The following PLCXD2 variants were observed in gnomAD, a reference collection of about 807,000 sequenced individuals.
The protein encoded by PLCXD2 is PI-PLC X domain-containing protein 2.
PLCXD2 carries 21 observed loss-of-function variants against 28.6 expected under a neutral mutation model. The observed-to-expected ratio is 0.73, with a 90% CI of 0.52 to 1.06. The LOEUF is 1.06. Ranked by LOEUF, PLCXD2 falls within the 50% of genes least tolerant of loss-of-function variation. The probability of loss-of-function intolerance (pLI) is 0.00; values close to 1 mark genes in which losing one functional copy is unlikely to be tolerated. For missense variants in PLCXD2, 369 were observed against 376.7 expected, an observed-to-expected ratio of 0.98 and a Z score of 0.17; for synonymous variants, 140 against 150.1, an observed-to-expected ratio of 0.93 and a Z score of 0.49.
At chr3:111,719,126 TA>T (rs1941312733) in intron 3 of PLCXD2, among the ~76,000 whole-genome samples, 1 of 152,138 alleles carries the variant, frequency 6.6e-6, no homozygotes, top group Admixed American at 6.5e-5. Context: ...GAGCTAAACC[TA>T]AAAGCTAAAA....
chr3:111,707,402 T>C (rs976144889), intron 1 of PLCXD2, among the ~76,000 whole-genome samples: 4 of 152,216 alleles, frequency 2.6e-5, no homozygotes, highest in African/African-American at 7.2e-5. Flanking sequence ...ATTGTTGAGA[T>C]AGACACAGTG....
chr3:111,712,236 A>C (rs956011917), intron 2 of PLCXD2, among the ~76,000 whole-genome samples: 1 of 152,192 alleles, frequency 6.6e-6, no homozygotes, highest in African/African-American at 2.4e-5. Flanking sequence ...GATAATTTGT[A>C]CTTAATGCAC....
intron 1 of PLCXD2, among the ~76,000 whole-genome samples, chr3:111,701,196 AAGTGTC>A (rs1218734715): frequency 6.6e-6 from 1 of 152,042 alleles, no homozygotes; most frequent in East Asian, 1.9e-4. Context: ...AGCACTTACT[AAGTGTC>A]AGTATTGTTC....
At chr3:111,677,784 G>A (rs1412996292) in intron 1 of PLCXD2, among the ~76,000 whole-genome samples, 1 of 152,146 alleles carries the variant, frequency 6.6e-6, no homozygotes, top group Non-Finnish European at 1.5e-5. Flanking sequence ...ACCATCCTCT[G>A]CAGTGAATGA....
intron 1 of PLCXD2, among the ~76,000 whole-genome samples, chr3:111,703,304 T>C (rs1023987630): frequency 6.6e-6 from 1 of 152,186 alleles, no homozygotes; most frequent in Non-Finnish European, 1.5e-5. Context: ...AAAAAGAGAC[T>C]CTGTTCCTAG....
In PLCXD2 at chr3:111,720,478, A is replaced by G. The variant is rs1171559866; in HGVS notation, c.866+6350A>G. ...TTCCTGTTGACATGGTATCTCTTTG[A>G]TGCTGGAAGCAAATAATCTCCTCTT... is the stretch of plus-strand genomic sequence containing the variant. On this transcript the variant is annotated intron_variant, in intron 3 of 4. Transcript: ENST00000477665. 3.3e-5 allele frequency among the ~76,000 whole-genome samples: 5 copies of G among 152,280 alleles called. 1 individual carries two copies. Among genetic ancestry groups the G allele is most frequent in the Middle Eastern group, 6.8e-3 (2 of 294 alleles).
In PLCXD2 at chr3:111,675,361, T is replaced by TC. The variant is rs1290783500; in HGVS notation, c.122dup (p.His42SerfsTer17). The TC allele has an allele frequency of 1.2e-6, 2 of 1,613,870 alleles. No homozygotes were observed. The highest frequency in any genetic ancestry group is 1.7e-6 in the Non-Finnish European group (2 of 1,179,956). On this transcript the variant is annotated frameshift_variant, in exon 1 of 5. Transcript: ENST00000477665. LOFTEE classifies it high-confidence loss of function. ...TGCAATGCCGACTGGATGGCCTCGCTCCCCCCTCACCTCCACAACCTCCCC... is the reference window on the plus strand; with the variant it reads ...TGCAATGCCGACTGGATGGCCTCGCTCCCCCCCTCACCTCCACAACCTCCCC...
chr3:111,721,663 G>A (rs1368631419), intron 3 of PLCXD2: 4 of 152,216 alleles, frequency 2.6e-5, no homozygotes, highest in African/African-American at 9.6e-5. Context: ...AGATATGCAT[G>A]TTTGCTGCAT....
At chr3:111,704,165 TAGTATG>T (rs1294721656) in intron 1 of PLCXD2, among the ~76,000 whole-genome samples, 4 of 152,170 alleles carry the variant, frequency 2.6e-5, no homozygotes, top group African/African-American at 9.7e-5. Context: ...GACAGTGAAC[TAGTATG>T]AATACAGGAA....
At chr3:111,724,821 C>G (rs1285555087) in intron 3 of PLCXD2, 15 of 152,208 alleles carry the variant, frequency 9.9e-5, no homozygotes, top group Admixed American at 9.8e-4. Flanking sequence ...CCATGAGACT[C>G]CGCTCCGTTA....
chr3:111,696,261 G>C (rs949509865), intron 1 of PLCXD2, among the ~76,000 whole-genome samples: 2 of 152,170 alleles, frequency 1.3e-5, no homozygotes, highest in Non-Finnish European at 1.5e-5. Context: ...AGCCTTTACT[G>C]CTGCCCAGAC....
chr3:111,703,139 T>C (rs932667899), intron 1 of PLCXD2, among the ~76,000 whole-genome samples: 10 of 152,194 alleles, frequency 6.6e-5, no homozygotes, highest in African/African-American at 2.4e-4. Flanking sequence ...TAGGCCTATA[T>C]AGGGCAAGTG....
chr3:111,713,042 G>T lies in PLCXD2; in HGVS notation c.625-845G>T, dbSNP rs146608317. ...AGTGGCACACTCCCCACTCTCCTGG[G>T]AAGGGCAGTTCCAGGCAGAGCCAGC... On this transcript the variant is annotated intron_variant, in intron 2 of 4. Transcript: ENST00000477665. Among the ~76,000 whole-genome samples the T allele has an allele frequency of 1.2e-4, 19 of 152,300 alleles. No individual in the cohort carries two copies. The East Asian group carries it at 2.9e-3, about 23-fold the overall frequency.
At position 111,674,707 on chromosome 3, in the gene PLCXD2, C is replaced by G. The variant is rs1431990403; in HGVS notation, c.-539C>G. 1.3e-5 allele frequency: 2 copies of G among 152,648 alleles called. No homozygotes were observed. Among genetic ancestry groups the G allele is most frequent in the East Asian group, 3.8e-4 (2 of 5,202 alleles). The allele number at this position is 152,648 out of a possible 1,614,324, so 9.5% of individuals were successfully genotyped here. ...AGTCCTGGTGCCGCCGGCTGCACTT[C>G]TGTGTGTCTTTCAGGAAGCCACAGG... On this transcript the variant is annotated 5_prime_UTR_variant, in exon 1 of 5. Coordinates refer to ENST00000477665, the MANE Select transcript of PLCXD2 (RefSeq NM_001185106.1).
intron 2 of PLCXD2, among the ~76,000 whole-genome samples, chr3:111,712,971 G>A (rs2137595): frequency 0.38 from 58,282 of 152,070 alleles, 13,689 homozygotes; most frequent in Middle Eastern, 0.54. Context: ...CATCCTGAGC[G>A]GTCCCTGTGG....
chr3:111,706,766 G>A (rs1941124265), intron 1 of PLCXD2, among the ~76,000 whole-genome samples: 1 of 147,778 alleles, frequency 6.8e-6, no homozygotes, highest in Non-Finnish European at 1.5e-5. Context: ...GAAACCAAAA[G>A]TGTGCAAATT....
chr3:111,718,014 A>C (rs977766817), intron 3 of PLCXD2, among the ~76,000 whole-genome samples: 4 of 151,638 alleles, frequency 2.6e-5, no homozygotes, highest in Non-Finnish European at 5.9e-5. Flanking sequence ...CACACTTATC[A>C]TATCACAGAA....
intron 1 of PLCXD2, among the ~76,000 whole-genome samples, chr3:111,697,753 G>A (rs969130342): frequency 3.3e-5 from 5 of 152,084 alleles, no homozygotes; most frequent in Non-Finnish European, 5.9e-5. Flanking sequence ...AAAATCACTT[G>A]ATGACATCTA....
intron 1 of PLCXD2, among the ~76,000 whole-genome samples, chr3:111,688,242 C>A (rs2107844613): frequency 6.6e-6 from 1 of 152,272 alleles, no homozygotes; most frequent in South Asian, 2.1e-4. Context: ...GTTTGGGAGC[C>A]TTAAGATCAC....
Sources: allele counts gnomAD v4.1 joint callset (sites outside exome capture counted in the v4.1 genomes callset), GRCh38; gene constraint gnomAD v4.1.1; transcripts MANE v1.5; gene names NCBI Gene and HGNC (gene_info 2026-07-23, HGNC 2026-07-21).